TBC1D21: variants seen among roughly 807,000 people sequenced by gnomAD.
TBC1D21 encodes the protein male germ cell Rab GTPase-activating protein.
Under a neutral mutation model 46.0 loss-of-function variants are expected in TBC1D21, and 38 were observed. The ratio of observed to expected loss-of-function variants is 0.83; its 90% CI spans 0.64 to 1.08. TBC1D21 has a LOEUF of 1.08. Among genes scored for constraint, TBC1D21 ranks in the 50% least tolerant of loss-of-function variants. The pLI, the probability that TBC1D21 is intolerant of heterozygous loss-of-function variation, is 0.00. For missense variants in TBC1D21, 415 were observed against 417.9 expected, an observed-to-expected ratio of 0.99 and a Z score of 0.06; for synonymous variants, 151 against 157.2, an observed-to-expected ratio of 0.96 and a Z score of 0.29.
chr15:73,904,525 A>G, the TBC1D21 span, among the ~76,000 whole-genome samples: 18 of 152,186 alleles, frequency 1.2e-4, no homozygotes, highest in African/African-American at 3.1e-4. Flanking sequence ...TCAAAGAGTG[A>G]CCATGGCCTC....
At chr15:73,888,580 T>TC (rs2068297429) in intron 10 of TBC1D21, 67 bp downstream of exon 10, 2 of 1,033,820 alleles carry the variant, frequency 1.9e-6, no homozygotes, top group African/African-American at 1.9e-5. Flanking sequence ...CTCCTCCTCC[T>TC]CTTCCTCCTC....
At chr15:73,884,973 C>T (rs2068217621) in intron 5 of TBC1D21, 30 bp from the exon 6 acceptor site, 1 of 1,589,456 alleles carries the variant, frequency 6.3e-7, no homozygotes, top group African/African-American at 1.3e-5. Flanking sequence ...CCCACCCAGC[C>T]CCTCCTCCCC....
intron 1 of TBC1D21, among the ~76,000 whole-genome samples, chr15:73,874,186 A>T (rs2068018951): frequency 6.6e-6 from 1 of 152,230 alleles, no homozygotes; most frequent in Non-Finnish European, 1.5e-5. Flanking sequence ...AGTCATAAAA[A>T]TTTTCCACAC....
In TBC1D21 at chr15:73,881,565, G is replaced by T. The variant is rs568553947; in HGVS notation, c.168+59G>T. ...GAACTGGGAGCATGGATGGGCAGGGGGCAGGTGTGGCGTTGGATGAAGCCC... is the reference window on the plus strand; with the variant it reads ...GAACTGGGAGCATGGATGGGCAGGGTGCAGGTGTGGCGTTGGATGAAGCCC... On this transcript the variant is annotated intron_variant, in intron 2 of 10. Transcript: ENST00000300504. 1.8e-3 allele frequency: 2,800 copies of T among 1,599,460 alleles called. 7 individuals are homozygous for T. The highest frequency in any genetic ancestry group is 1.9e-3 in the Non-Finnish European group (2,190 of 1,166,998).
rs2068006058 is a variant in TBC1D21, at chr15:73,873,589, T to C, written c.-121T>C. On this transcript the variant is annotated 5_prime_UTR_variant, in exon 1 of 11. Transcript: ENST00000300504. ...ACACTGCTGGCCGGCTCTGTTCAAG[T>C]GTGGGAGGTCAGGAGCAGCCAGTTC... 9.7e-7 allele frequency: 1 copy of C among 1,028,710 alleles called. No individual in the cohort carries two copies. The highest frequency in any genetic ancestry group is 2.6e-5 in the East Asian group (1 of 38,160). 63.7% of individuals were successfully genotyped at this position (1,028,710 alleles called of 1,614,324 possible). A position where few individuals can be genotyped will look rare whatever the true frequency, so the allele number is the denominator to read the frequency against.
intron 1 of TBC1D21, among the ~76,000 whole-genome samples, chr15:73,876,608 G>A (rs1231399838): frequency 6.6e-6 from 1 of 152,044 alleles, no homozygotes; most frequent in African/African-American, 2.4e-5. Flanking sequence ...ATTGTTACAG[G>A]TAGAGGTTTA....
the TBC1D21 span, among the ~76,000 whole-genome samples, chr15:73,902,214 C>T: frequency 6.6e-6 from 1 of 152,170 alleles, no homozygotes; most frequent in Admixed American, 6.5e-5. Context: ...TTTAGCCTAC[C>T]ACACCGAAGA....
intron 1 of TBC1D21, among the ~76,000 whole-genome samples, chr15:73,880,642 G>A (rs758936934): frequency 7.6e-4 from 116 of 152,110 alleles, no homozygotes; most frequent in Non-Finnish European, 4.1e-4. Flanking sequence ...GTGGTGGCGC[G>A]TGCCTATAGT....
chr15:73,881,624 A>G lies in TBC1D21; in HGVS notation c.169-20A>G. ...GGCATCGATAGAGCCCATGACCTCC[A>G]CCTCCCACCCCCACCCCAGGGTCTG... On this transcript the variant is annotated intron_variant, in intron 2 of 10. Coordinates refer to ENST00000300504, the MANE Select transcript of TBC1D21 (RefSeq NM_153356.3). The G allele has an allele frequency of 6.2e-7, 1 of 1,607,272 alleles. No individual in the cohort carries two copies. The highest frequency in any genetic ancestry group is 8.5e-7 in the Non-Finnish European group (1 of 1,174,922).
intron 10 of TBC1D21, 62 bp from the exon 11 acceptor site, chr15:73,889,007 A>C: frequency 1.0e-5 from 16 of 1,598,822 alleles, no homozygotes; most frequent in Non-Finnish European, 1.3e-5. Context: ...GCTGCTTAGA[A>C]GAACCGAAGA....
At chr15:73,888,572 C>A in intron 10 of TBC1D21, 59 bp downstream of exon 10, 2 of 1,179,318 alleles carry the variant, frequency 1.7e-6, no homozygotes, top group Non-Finnish European at 2.4e-6. Context: ...TCTTCCTCCT[C>A]CTCCTCCTCT....
At chr15:73,895,905 C>T in the TBC1D21 span, among the ~76,000 whole-genome samples, 5 of 152,172 alleles carry the variant, frequency 3.3e-5, no homozygotes, top group African/African-American at 9.7e-5. Context: ...GCTCCTCACT[C>T]AAGTCCCAGG....
chr15:73,909,774 A>G, the TBC1D21 span: 1 of 152,052 alleles, frequency 6.6e-6, no homozygotes, highest in Non-Finnish European at 1.5e-5. Context: ...AAGTTACAAC[A>G]CTCAGAAGCT....
chr15:73,885,744 G>A (rs990481716), intron 6 of TBC1D21, among the ~76,000 whole-genome samples: 3 of 151,696 alleles, frequency 2.0e-5, no homozygotes, highest in Non-Finnish European at 2.9e-5. Context: ...ACACTATTGT[G>A]TGAGGGAAGA....
chr15:73,890,179 G>C (rs2068325057), downstream of TBC1D21, among the ~76,000 whole-genome samples: 1 of 152,170 alleles, frequency 6.6e-6, no homozygotes, highest in Non-Finnish European at 1.5e-5. Context: ...TCAGCCAACT[G>C]TCCCTCCCTC....
chr15:73,906,257 G>C, the TBC1D21 span, among the ~76,000 whole-genome samples: 1 of 152,204 alleles, frequency 6.6e-6, no homozygotes, highest in Admixed American at 6.5e-5. Flanking sequence ...GAGCTGGGTA[G>C]GCAAATTAGG....
intron 1 of TBC1D21, among the ~76,000 whole-genome samples, chr15:73,874,984 C>T (rs1305092835): frequency 6.6e-6 from 1 of 152,146 alleles, no homozygotes; most frequent in African/African-American, 2.4e-5. Flanking sequence ...CAGTGGCTCA[C>T]GCCTGTAATC....
the TBC1D21 span, among the ~76,000 whole-genome samples, chr15:73,898,776 A>T: frequency 6.7e-6 from 1 of 149,078 alleles, no homozygotes. Flanking sequence ...AGGCAGGAGA[A>T]TCACTTGAAC....
chr15:73,878,976 G>A (rs1173672475), intron 1 of TBC1D21, among the ~76,000 whole-genome samples: 1 of 152,190 alleles, frequency 6.6e-6, no homozygotes, highest in Non-Finnish European at 1.5e-5. Context: ...TGTCTATGCA[G>A]GTGGGGAACA....
Sources: allele counts gnomAD v4.1 joint callset (sites outside exome capture counted in the v4.1 genomes callset), GRCh38; gene constraint gnomAD v4.1.1; transcripts MANE v1.5; gene names NCBI Gene and HGNC (gene_info 2026-07-23, HGNC 2026-07-21).